BSDC1: variants seen among roughly 807,000 people sequenced by gnomAD.
BSDC1 encodes BSD domain containing 1.
A neutral mutation model predicts 56.0 loss-of-function variants in BSDC1; 29 were observed. That is an observed-to-expected ratio of 0.52 (90% CI 0.39 to 0.71). BSDC1 has a LOEUF of 0.71. Ranked by LOEUF, BSDC1 falls within the 30% of genes least tolerant of loss-of-function variation. The pLI, the probability that BSDC1 is intolerant of heterozygous loss-of-function variation, is 0.00. For synonymous variants in BSDC1, 210 were observed against 215.3 expected (o/e 0.98, Z 0.21); for missense variants, 477 against 548.5 (o/e 0.87, Z 1.30).
chr1:32,392,064 G>A (rs1642884262), intron 2 of BSDC1, among the ~76,000 whole-genome samples: 1 of 152,190 alleles, frequency 6.6e-6, no homozygotes, highest in Non-Finnish European at 1.5e-5. Context: ...AGGCGTGGTG[G>A]CTCACACCTG....
At chr1:32,371,925 A>G (rs1642106236) in intron 9 of BSDC1, among the ~76,000 whole-genome samples, 1 of 152,184 alleles carries the variant, frequency 6.6e-6, no homozygotes, top group Non-Finnish European at 1.5e-5. Context: ...TCTGCAAAGA[A>G]CCACTGGAGA....
chr1:32,377,171 G>C (rs1642322541), intron 8 of BSDC1, among the ~76,000 whole-genome samples: 1 of 152,032 alleles, frequency 6.6e-6, no homozygotes, highest in South Asian at 2.1e-4. Context: ...GTGTCATTCA[G>C]CTCACCCCTT....
chr1:32,390,691 G>A (rs961150206), intron 2 of BSDC1, among the ~76,000 whole-genome samples: 2 of 152,130 alleles, frequency 1.3e-5, no homozygotes, highest in African/African-American at 4.8e-5. Flanking sequence ...TGGGCAGACT[G>A]CTTGAGCCTA....
chr1:32,369,911 G>A (rs533184823), intron 9 of BSDC1, among the ~76,000 whole-genome samples: 1 of 152,282 alleles, frequency 6.6e-6, no homozygotes, highest in Non-Finnish European at 1.5e-5. Flanking sequence ...TCTTGCCTCA[G>A]CCTCCTGAGT....
At chr1:32,394,249 C>G in intron 1 of BSDC1, 109 bp from the exon 2 acceptor site, 1 of 1,552,114 alleles carries the variant, frequency 6.4e-7, no homozygotes, top group South Asian at 1.1e-5. Flanking sequence ...CTTCGCAGAC[C>G]GCTTGCCCAC....
intron 5 of BSDC1, among the ~76,000 whole-genome samples, chr1:32,379,451 C>A (rs1248967632): frequency 1.3e-5 from 2 of 152,252 alleles, no homozygotes; most frequent in East Asian, 3.9e-4. Context: ...TCCAGAGGTC[C>A]AGGTACCCCC....
intron 5 of BSDC1, among the ~76,000 whole-genome samples, chr1:32,379,736 A>G (rs1642418866): frequency 6.6e-6 from 1 of 152,192 alleles, no homozygotes; most frequent in Non-Finnish European, 1.5e-5. Flanking sequence ...GGCTACGGGC[A>G]CGCCATCATG....
intron 9 of BSDC1, chr1:32,369,264 C>G: frequency 7.8e-7 from 1 of 1,289,744 alleles, no homozygotes; most frequent in South Asian, 1.2e-5. Context: ...AGCGGAGAAG[C>G]ACTTTGGCCC....
At chr1:32,376,987 T>A (rs1199863228) in intron 8 of BSDC1, among the ~76,000 whole-genome samples, 2 of 151,972 alleles carry the variant, frequency 1.3e-5, no homozygotes, top group Non-Finnish European at 2.9e-5. Flanking sequence ...ACAAAAAATA[T>A]TAGCTGGGTG....
intron 8 of BSDC1, among the ~76,000 whole-genome samples, 160 bp from the exon 9 acceptor site, chr1:32,376,901 C>T (rs948065692): frequency 1.3e-5 from 2 of 152,086 alleles, no homozygotes; most frequent in South Asian, 2.1e-4. Flanking sequence ...GAGGATGAGG[C>T]GGGTGGATCA....
At chr1:32,369,502 T>C (rs1011493662) in intron 9 of BSDC1, among the ~76,000 whole-genome samples, 6 of 152,126 alleles carry the variant, frequency 3.9e-5, no homozygotes, top group African/African-American at 4.8e-5. Context: ...TGCAAAACCC[T>C]GTCTCTAAAG....
chr1:32,382,895 A>C (rs1358264767), intron 4 of BSDC1, among the ~76,000 whole-genome samples: 2 of 151,166 alleles, frequency 1.3e-5, no homozygotes, highest in African/African-American at 4.9e-5. Context: ...AAAAAGAAGA[A>C]GAAAAGAAAA....
chr1:32,381,894 C>T (rs2148129003), intron 4 of BSDC1, among the ~76,000 whole-genome samples: 1 of 152,296 alleles, frequency 6.6e-6, no homozygotes, highest in South Asian at 2.1e-4. Context: ...AATGCTAGTG[C>T]TAAAACACAT....
chr1:32,375,160 CAATA>C (rs1167115235), intron 9 of BSDC1, among the ~76,000 whole-genome samples: 1 of 151,406 alleles, frequency 6.6e-6, no homozygotes, highest in African/African-American at 2.4e-5. Context: ...AAAAAAAAAA[CAATA>C]AAAACCAGGT....
At position 32,378,005 on chromosome 1, in the gene BSDC1, C is replaced by T. The variant is rs139279941; in HGVS notation, c.641G>A (p.Ser214Asn). ...CTCCCAGCCGGGCTCTTCAGAGATG[C>T]TCTGTTCCGCCCGCTGCTTCAGGGC... ...RDALKQRAEQ[S>N]ISEEPGWEEE... The change falls in exon 8 of 11, where the codon AGC becomes AAC. Residue 214 changes from serine (S) to asparagine (N), a missense_variant. Physicochemically the swap from Ser to Asn is conservative, Grantham distance 46. Transcript: ENST00000455895. The surrounding 1 kb of genome is among the most constrained non-coding windows in gnomAD (Gnocchi z 5.2). The T allele has an allele frequency of 3.9e-4, 635 of 1,613,412 alleles. No homozygotes were observed. The highest frequency in any genetic ancestry group is 5.1e-4 in the Non-Finnish European group (597 of 1,179,718).
intron 9 of BSDC1, among the ~76,000 whole-genome samples, 156 bp downstream of exon 9, chr1:32,376,106 A>C (rs919338022): frequency 2.0e-5 from 3 of 152,240 alleles, no homozygotes; most frequent in Non-Finnish European, 2.9e-5. Context: ...AGAATGAAAT[A>C]TGTTAGCAAA....
intron 8 of BSDC1, among the ~76,000 whole-genome samples, chr1:32,377,089 T>C (rs1271147828): frequency 6.6e-6 from 1 of 151,968 alleles, no homozygotes; most frequent in Non-Finnish European, 1.5e-5. Context: ...TGGGCGGAGA[T>C]TGCGCCACTG....
intron 9 of BSDC1, among the ~76,000 whole-genome samples, chr1:32,369,892 A>G (rs1364567202): frequency 6.6e-6 from 1 of 152,214 alleles, no homozygotes; most frequent in Admixed American, 6.5e-5. Context: ...TCCTGGGTTC[A>G]AGAGATTCTC....
chr1:32,376,966 C>T (rs1642313220), intron 8 of BSDC1, among the ~76,000 whole-genome samples: 1 of 152,126 alleles, frequency 6.6e-6, no homozygotes, highest in South Asian at 2.1e-4. Flanking sequence ...AACCCCATCT[C>T]TACTAAAAAT....
Sources: gnomAD v4.1 joint callset for allele counts (sites outside exome capture counted in the v4.1 genomes callset) on GRCh38, gnomAD v4.1.1 for gene constraint, Gnocchi (gnomAD v3.1) non-coding constraint, MANE v1.5 for transcripts, NCBI Gene and HGNC (gene_info 2026-07-23, HGNC 2026-07-21) for gene names.